ESRRG: variants seen among roughly 807,000 people sequenced by gnomAD.
ESRRG encodes the protein estrogen related receptor gamma.
In ESRRG, 13 loss-of-function variants were observed where a neutral mutation model predicts 44.0. The observed-to-expected ratio is 0.30, with a 90% CI of 0.19 to 0.47. The LOEUF (loss-of-function observed/expected upper bound fraction) is 0.47, where lower values mean the gene tolerates loss of function less well. Ranked by LOEUF, ESRRG falls within the 20% of genes least tolerant of loss-of-function variation. The pLI, the probability that ESRRG is intolerant of heterozygous loss-of-function variation, is 1.00. For synonymous variants in ESRRG, 215 were observed against 214.6 expected (o/e 1.00, Z -0.02); for missense variants, 395 against 580.6 (o/e 0.68, Z 3.29).
intron 2 of ESRRG, among the ~76,000 whole-genome samples, chr1:216,832,421 G>T (rs898668553): frequency 1.1e-4 from 16 of 152,122 alleles, no homozygotes; most frequent in Non-Finnish European, 2.1e-4. Flanking sequence ...TCCTAATCCA[G>T]GAGAGCTAGA....
intron 1 of ESRRG, among the ~76,000 whole-genome samples, chr1:217,081,916 T>G (rs563673801): frequency 6.6e-6 from 1 of 152,228 alleles, no homozygotes; most frequent in Non-Finnish European, 1.5e-5. Flanking sequence ...ACAGGCGATA[T>G]TTGAGATAAA....
At chr1:216,672,322 T>C (rs900365104) in intron 2 of ESRRG, among the ~76,000 whole-genome samples, 2 of 152,228 alleles carry the variant, frequency 1.3e-5, no homozygotes, top group African/African-American at 4.8e-5. Flanking sequence ...CATAATTCAA[T>C]AGTTTTTCAA....
At chr1:216,914,949 G>C (rs577417162) in intron 2 of ESRRG, among the ~76,000 whole-genome samples, 1 of 152,336 alleles carries the variant, frequency 6.6e-6, no homozygotes, top group East Asian at 1.9e-4. Context: ...TTGTTTTTAA[G>C]TACTAGTTTC....
intron 1 of ESRRG, among the ~76,000 whole-genome samples, chr1:216,943,060 A>C (rs1337529980): frequency 6.6e-6 from 1 of 152,156 alleles, no homozygotes; most frequent in Non-Finnish European, 1.5e-5. Context: ...ATTACAAAAA[A>C]AAATACAGGA....
chr1:216,528,176 C>T (rs2048257077), intron 5 of ESRRG, among the ~76,000 whole-genome samples: 1 of 152,134 alleles, frequency 6.6e-6, no homozygotes. Context: ...AAAAGGGGTG[C>T]CTAATGCTTT....
intron 2 of ESRRG, among the ~76,000 whole-genome samples, chr1:216,788,891 G>A (rs1011570019): frequency 3.3e-5 from 5 of 152,132 alleles, no homozygotes; most frequent in Non-Finnish European, 1.5e-5. Flanking sequence ...AGTGGAGGGA[G>A]GAGCTGTAGT....
Position 216,873,247 on chromosome 1 carries a change from T to G in ESRRG, c.-14+66335A>C, listed in dbSNP as rs183946536. ...TTTTTTTTTGACAGAGTTTCACTGT[T>G]GTCGCTCAGGCTGAAATGCAATGGC... On this transcript the variant is annotated intron_variant, in intron 2 of 7. Coordinates refer to the ESRRG transcript ENST00000359162. Among the ~76,000 whole-genome samples, 1,089 of 135,626 alleles carry G rather than the reference T, an allele frequency of 8.0e-3. 19 individuals carry two copies. The highest frequency in any genetic ancestry group is 0.029 in the African/African-American group (1,031 of 35,248). The allele number at this position is 135,626 out of a possible 152,430, so 89.0% of individuals were successfully genotyped here.
chr1:216,928,145 G>A (rs1560144691), intron 2 of ESRRG, among the ~76,000 whole-genome samples: 1 of 152,134 alleles, frequency 6.6e-6, no homozygotes, highest in African/African-American at 2.4e-5. Flanking sequence ...TTATAGAATA[G>A]ATATGCATCA....
intron 2 of ESRRG, among the ~76,000 whole-genome samples, chr1:216,661,442 T>C (rs2072385062): frequency 6.6e-6 from 1 of 152,182 alleles, no homozygotes; most frequent in Admixed American, 6.6e-5. Flanking sequence ...ACAAAAGCCT[T>C]GTTAATAAAA....
intron 3 of ESRRG, among the ~76,000 whole-genome samples, chr1:216,598,556 TA>T (rs1239510091): frequency 1.3e-5 from 2 of 152,176 alleles, no homozygotes; most frequent in Non-Finnish European, 2.9e-5. Context: ...GCATCTTACT[TA>T]AATGGTGAAT....
At chr1:216,976,016 C>T (rs1477817215) in intron 1 of ESRRG, among the ~76,000 whole-genome samples, 4 of 152,112 alleles carry the variant, frequency 2.6e-5, no homozygotes, top group African/African-American at 9.7e-5. Context: ...ATGAGCTTCA[C>T]AATTCTCCCA....
chr1:217,021,432 G>T (rs549931041), intron 1 of ESRRG, among the ~76,000 whole-genome samples: 256 of 152,304 alleles, frequency 1.7e-3, no homozygotes, highest in African/African-American at 6.0e-3. Context: ...AATAGGAATT[G>T]GTCATCAAGT....
intron 3 of ESRRG, among the ~76,000 whole-genome samples, chr1:216,629,262 A>G (rs542071999): frequency 1.7e-4 from 26 of 152,384 alleles, no homozygotes; most frequent in African/African-American, 6.0e-4. Context: ...TGAGAGAAAC[A>G]TCAGCACATA....
At chr1:216,864,291 A>G (rs1219150108) in intron 2 of ESRRG, 1 of 151,038 alleles carries the variant, frequency 6.6e-6, no homozygotes, top group Non-Finnish European at 1.5e-5. Flanking sequence ...GCTTTTGATC[A>G]CAATTTCCTA....
At chr1:216,745,927 AG>A (rs1478147926) in intron 2 of ESRRG, among the ~76,000 whole-genome samples, 2 of 152,236 alleles carry the variant, frequency 1.3e-5, no homozygotes, top group African/African-American at 2.4e-5. Flanking sequence ...TATTTAATAC[AG>A]GGTTTAATAT....
chr1:216,863,469 C>T (rs1559907711), intron 2 of ESRRG: 1 of 152,068 alleles, frequency 6.6e-6, no homozygotes, highest in African/African-American at 2.4e-5. Flanking sequence ...TCTCATACTA[C>T]CTAGTTGCAG....
intron 2 of ESRRG, among the ~76,000 whole-genome samples, chr1:216,822,583 T>C (rs1387589030): frequency 1.3e-5 from 2 of 152,210 alleles, no homozygotes; most frequent in Non-Finnish European, 2.9e-5. Flanking sequence ...CACCTGTTGT[T>C]ATGTAACAAA....
chr1:216,690,037 A>G (rs2151711275), intron 1 of ESRRG, among the ~76,000 whole-genome samples: 1 of 152,228 alleles, frequency 6.6e-6, no homozygotes, highest in African/African-American at 2.4e-5. Flanking sequence ...AAAATTGGAA[A>G]AAAAAGTTTG....
rs1201441578 is a variant in ESRRG, at chr1:217,055,724, A to T, written c.-106+33783T>A. Among the ~76,000 whole-genome samples, 5 of 149,434 alleles carry T rather than the reference A, an allele frequency of 3.3e-5. No individual in the cohort carries two copies. The Admixed American group carries it at 3.4e-4, about 10-fold the overall frequency. On this transcript the variant is annotated intron_variant, in intron 1 of 7. Coordinates refer to the ESRRG transcript ENST00000359162. ...AGGGTATGCCTAAGTTATTGCTCTC[A>T]GGTACATTTACACTACATGAGGCCA...
Sources: gnomAD v4.1 joint callset for allele counts (sites outside exome capture counted in the v4.1 genomes callset) on GRCh38, gnomAD v4.1.1 for gene constraint, MANE v1.5 for transcripts, NCBI Gene and HGNC (gene_info 2026-07-23, HGNC 2026-07-21) for gene names.